The following CCAR2 variants were observed in gnomAD, a reference collection of about 807,000 sequenced individuals.
The protein encoded by CCAR2 is cell cycle and apoptosis regulator 2.
In CCAR2, 21 loss-of-function variants were observed where a neutral mutation model predicts 108.1. That is an observed-to-expected ratio of 0.19 (90% confidence interval 0.14 to 0.28). The LOEUF (loss-of-function observed/expected upper bound fraction) is 0.28. Ranked by LOEUF, CCAR2 falls within the 10% of genes least tolerant of loss-of-function variation. CCAR2 has a pLI of 1.00. For synonymous variants in CCAR2, 577 were observed against 472.8 expected (o/e 1.22, Z -2.86); for missense variants, 1,126 against 1,177.0 (o/e 0.96, Z 0.63).
At position 22,619,728 on chromosome 8, in the gene CCAR2, C is replaced by T. The variant is rs200778234; in HGVS notation, c.*46C>T. 40 of 1,547,948 alleles carry T rather than the reference C, an allele frequency of 2.6e-5. No homozygotes were observed. Among genetic ancestry groups the T allele is most frequent in the Middle Eastern group, 2.1e-4 (1 of 4,804 alleles). On this transcript the variant is annotated 3_prime_UTR_variant, in exon 21 of 21. Coordinates refer to ENST00000308511, the MANE Select transcript of CCAR2 (RefSeq NM_001393997.1). ...ATCCTGTGAGGGCAGCGGTGGCGCC[C>T]GGCAAAGTTGGAGCCCTTGCGGTAC...
chr8:22,619,855 T>C lies in CCAR2; in HGVS notation c.*173T>C, dbSNP rs1801694652. 3.1e-6 allele frequency: 2 copies of C among 654,696 alleles called. No individual in the cohort carries two copies. The highest frequency in any genetic ancestry group is 2.7e-5 in the East Asian group (1 of 36,458). 40.6% of individuals were successfully genotyped at this position (654,696 alleles called of 1,614,324 possible). A position where few individuals can be genotyped will look rare whatever the true frequency, so the allele number is the denominator to read the frequency against. Reference sequence around the variant, plus strand: ...GGCCATCAGGCTGGGGGCTGTGCTATGTGGGATGGATGTGTGAGGAACCCC... The same window carrying C: ...GGCCATCAGGCTGGGGGCTGTGCTACGTGGGATGGATGTGTGAGGAACCCC... On this transcript the variant is annotated 3_prime_UTR_variant, in exon 21 of 21. Transcript: ENST00000308511.
intron 2 of CCAR2, 26 bp downstream of exon 2, chr8:22,605,857 C>T (rs1490371755): frequency 1.2e-6 from 2 of 1,608,720 alleles, no homozygotes; most frequent in Non-Finnish European, 8.5e-7. Context: ...CCTACCTGGC[C>T]TCATCCTGGG....
chr8:22,615,105 C>T lies in CCAR2; in HGVS notation c.1205+104C>T, dbSNP rs971250200. 6.5e-6 allele frequency: 9 copies of T among 1,378,610 alleles called. No homozygotes were observed. In the African/African-American group the frequency reaches 1.2e-4, roughly 18 times the overall value. The allele number at this position is 1,378,610 out of a possible 1,614,324, so 85.4% of individuals were successfully genotyped here. On this transcript the variant is annotated intron_variant, in intron 11 of 20. Transcript: ENST00000308511. ...CCTTTCTGCTGGTTAGCTCTCTGCC[C>T]CCTAGTCCCGTTCCTTCCCCCTCTG...
chr8:22,619,947 GGT>G lies in CCAR2; in HGVS notation c.*266_*267del. 1.9e-6 allele frequency: 1 copy of G among 521,476 alleles called. No homozygotes were observed. Among genetic ancestry groups the G allele is most frequent in the Non-Finnish European group, 3.5e-6 (1 of 288,442 alleles). 32.3% of individuals were successfully genotyped at this position (521,476 alleles called of 1,614,324 possible). Reference sequence around the variant, plus strand: ...AGAATGTCATTTTGCCCTCAACCTTGGTATTTCTCCTGGGGCCCTTTTAGTCT... The same window carrying G: ...AGAATGTCATTTTGCCCTCAACCTTGATTTCTCCTGGGGCCCTTTTAGTCT... On this transcript the variant is annotated 3_prime_UTR_variant, in exon 21 of 21. Coordinates refer to ENST00000308511, the MANE Select transcript of CCAR2 (RefSeq NM_001393997.1).
Position 22,619,813 on chromosome 8 carries a change from G to C in CCAR2, c.*131G>C, listed in dbSNP as rs2117475819. The stretch of plus-strand genomic sequence containing the variant: ...GCAGGGGTGGCTGACCCCATGCTCA[G>C]CCTCTAGGGGACGGCAGGCCATCAG... On this transcript the variant is annotated 3_prime_UTR_variant, in exon 21 of 21. Transcript: ENST00000308511. 2 of 942,298 alleles carry C rather than the reference G, an allele frequency of 2.1e-6. No homozygotes were observed. The highest frequency in any genetic ancestry group is 1.6e-5 in the African/African-American group (1 of 61,594). 58.4% of individuals were successfully genotyped at this position (942,298 alleles called of 1,614,324 possible).
chr8:22,619,388 C>T (rs1308668438), intron 20 of CCAR2, 33 bp downstream of exon 20: 6 of 1,545,008 alleles, frequency 3.9e-6, no homozygotes, highest in East Asian at 4.9e-5. Flanking sequence ...GGCAGCACAG[C>T]TCCTTTCCCT....
intron 20 of CCAR2, 104 bp downstream of exon 20, chr8:22,619,459 G>A (rs147752746): frequency 2.1e-6 from 3 of 1,444,546 alleles, no homozygotes; most frequent in East Asian, 5.0e-5. Context: ...AGGGCCAGCA[G>A]GCACCGGCTT....
chr8:22,621,067 T>TC, downstream of CCAR2: 1 of 200,802 alleles, frequency 5.0e-6, no homozygotes, highest in East Asian at 1.3e-4. Context: ...GTAGATTTGA[T>TC]GCCCACAACG....
chr8:22,609,372 G>A (rs762594484), intron 7 of CCAR2, among the ~76,000 whole-genome samples: 11 of 152,132 alleles, frequency 7.2e-5, no homozygotes, highest in Non-Finnish European at 1.2e-4. Flanking sequence ...GGCTGGTCTC[G>A]AACTCCTGGG....
chr8:22,613,927 T>C (rs1801393957), intron 8 of CCAR2, 165 bp from the exon 9 acceptor site: 6 of 611,898 alleles, frequency 9.8e-6, no homozygotes, highest in Non-Finnish European at 1.7e-5. Context: ...CATCTAGAGT[T>C]TGTAAATTAA....
intron 7 of CCAR2, among the ~76,000 whole-genome samples, chr8:22,610,337 G>T (rs952710378): frequency 6.6e-6 from 1 of 152,222 alleles, no homozygotes; most frequent in African/African-American, 2.4e-5. Context: ...GGGATGCAGA[G>T]AACAATGTCT....
intron 10 of CCAR2, 72 bp downstream of exon 10, chr8:22,614,575 GCTC>G: frequency 1.4e-6 from 2 of 1,396,866 alleles, no homozygotes; most frequent in African/African-American, 2.8e-5. Flanking sequence ...TGAGTGTTCG[GCTC>G]CTGTTCCTGA....
At chr8:22,611,448 ATATG>A (rs1203183039) in intron 7 of CCAR2, among the ~76,000 whole-genome samples, 6 of 123,488 alleles carry the variant, frequency 4.9e-5, no homozygotes, top group African/African-American at 2.7e-4. Flanking sequence ...GTGTGTATAC[ATATG>A]TGTGTGTGTA....
intron 7 of CCAR2, among the ~76,000 whole-genome samples, chr8:22,611,234 A>C (rs1353928856): frequency 3.3e-5 from 5 of 151,178 alleles, no homozygotes; most frequent in African/African-American, 4.9e-5. Flanking sequence ...GGCGGTGGGT[A>C]CCTGTAATCC....
chr8:22,615,328 T>C (rs551682715), intron 11 of CCAR2, 97 bp from the exon 12 acceptor site: 62 of 1,421,390 alleles, frequency 4.4e-5, no homozygotes, highest in Non-Finnish European at 5.2e-5. Flanking sequence ...TGTGTGCTCA[T>C]TGAGTGCTGA....
downstream of CCAR2, chr8:22,621,117 A>G (rs1801785678): frequency 3.0e-6 from 1 of 329,248 alleles, no homozygotes. Flanking sequence ...AACGAAGCCC[A>G]TGGCCTCAGA....
chr8:22,621,356 C>A, downstream of CCAR2: 1 of 1,546,482 alleles, frequency 6.5e-7, no homozygotes, highest in Non-Finnish European at 8.7e-7. Context: ...GAGCAGCTAG[C>A]CCTGAGAAGG....
At chr8:22,611,765 T>C (rs540704736) in intron 7 of CCAR2, among the ~76,000 whole-genome samples, 2 of 152,302 alleles carry the variant, frequency 1.3e-5, no homozygotes, top group East Asian at 3.9e-4. Context: ...TTGCTGAGTA[T>C]GTATTTGGTT....
chr8:22,619,956 C>G lies in CCAR2; in HGVS notation c.*274C>G, dbSNP rs202017068. ...TTTTGCCCTCAACCTTGGTATTTCT[C>G]CTGGGGCCCTTTTAGTCTTGTGCTG... On this transcript the variant is annotated 3_prime_UTR_variant, in exon 21 of 21. Transcript: ENST00000308511. 2 of 507,712 alleles carry G rather than the reference C, an allele frequency of 3.9e-6. No individual in the cohort carries two copies. The highest frequency in any genetic ancestry group is 7.1e-6 in the Non-Finnish European group (2 of 280,086). The allele number at this position is 507,712 out of a possible 1,614,324, so 31.5% of individuals were successfully genotyped here.
Sources: gnomAD v4.1 joint callset for allele counts (sites outside exome capture counted in the v4.1 genomes callset) on GRCh38, gnomAD v4.1.1 for gene constraint, MANE v1.5 for transcripts, NCBI Gene and HGNC (gene_info 2026-07-23, HGNC 2026-07-21) for gene names.